SLC25A30: variants seen among roughly 807,000 people sequenced by gnomAD.
SLC25A30 encodes solute carrier family 25 member 30.
In SLC25A30, 29 loss-of-function variants were observed where a neutral mutation model predicts 42.7. That is an observed-to-expected ratio of 0.68 (90% CI 0.51 to 0.93). SLC25A30 has a LOEUF of 0.93. SLC25A30 is among the 40% of genes least tolerant of loss of function. The probability of loss-of-function intolerance (pLI) is 0.00; values close to 1 mark genes in which losing one functional copy is unlikely to be tolerated. For synonymous variants in SLC25A30, 124 were observed against 131.0 expected (o/e 0.95, Z 0.37); for missense variants, 300 against 359.7 (o/e 0.83, Z 1.34).
At chr13:45,427,059 GA>G in the SLC25A30 span, among the ~76,000 whole-genome samples, 2 of 151,854 alleles carry the variant, frequency 1.3e-5, no homozygotes, top group South Asian at 4.2e-4. Context: ...ATTGGATGAT[GA>G]AAAAAAATCA....
intron 9 of SLC25A30, chr13:45,396,506 G>T: frequency 3.6e-6 from 1 of 279,020 alleles, no homozygotes; most frequent in Non-Finnish European, 5.6e-6. Flanking sequence ...GGGCGCGGTG[G>T]CTCACGCCTG....
chr13:45,405,284 G>C (rs1031561586), intron 4 of SLC25A30, among the ~76,000 whole-genome samples: 10 of 152,158 alleles, frequency 6.6e-5, no homozygotes, highest in African/African-American at 2.4e-4. Flanking sequence ...ATATCTGTTA[G>C]GACAATAATT....
the SLC25A30 span, among the ~76,000 whole-genome samples, chr13:45,431,084 G>T: frequency 6.6e-5 from 10 of 151,998 alleles, no homozygotes; most frequent in African/African-American, 2.4e-4. Flanking sequence ...TTTCGCTCTT[G>T]TTGCCCAGGC....
the SLC25A30 span, among the ~76,000 whole-genome samples, chr13:45,425,885 G>A: frequency 1.4e-5 from 2 of 146,482 alleles, no homozygotes; most frequent in African/African-American, 5.0e-5. Flanking sequence ...TGGAGACAGG[G>A]TTTCATCATG....
the SLC25A30 span, among the ~76,000 whole-genome samples, chr13:45,423,633 T>C: frequency 2.9e-5 from 3 of 104,706 alleles, 1 homozygote; most frequent in Admixed American, 4.0e-4. Flanking sequence ...TATATATAAA[T>C]ATATATAAAA....
chr13:45,423,693 T>TAA, the SLC25A30 span, among the ~76,000 whole-genome samples: 274 of 15,918 alleles, frequency 0.017, 91 homozygotes, highest in African/African-American at 0.1. Flanking sequence ...TAAATATATA[T>TAA]AAATATATAA....
the SLC25A30 span, among the ~76,000 whole-genome samples, chr13:45,425,012 A>ATGTGT: frequency 2.1e-5 from 1 of 47,624 alleles, no homozygotes; most frequent in Non-Finnish European, 3.4e-5. Flanking sequence ...AAATATATAT[A>ATGTGT]AATATACATA....
chr13:45,432,225 A>G, the SLC25A30 span, among the ~76,000 whole-genome samples: 84 of 151,548 alleles, frequency 5.5e-4, 1 homozygote, highest in Non-Finnish European at 9.3e-4. Flanking sequence ...AGCCGAGATC[A>G]TATCACTGCA....
chr13:45,422,984 C>T (rs1264103018), upstream of SLC25A30, among the ~76,000 whole-genome samples: 1 of 152,114 alleles, frequency 6.6e-6, no homozygotes, highest in East Asian at 1.9e-4. Flanking sequence ...TGCATCCATG[C>T]TGCTATGAGA....
chr13:45,424,831 T>TATATAC, the SLC25A30 span, among the ~76,000 whole-genome samples: 2 of 53,676 alleles, frequency 3.7e-5, no homozygotes, highest in African/African-American at 1.6e-4. Context: ...TATAAAAATA[T>TATATAC]ATATATAAAA....
In SLC25A30 at chr13:45,397,259, A is replaced by G. The variant is rs944962989; in HGVS notation, c.833T>C (p.Ile278Thr). The G allele has an allele frequency of 6.3e-7, 1 of 1,599,610 alleles. No homozygotes were observed. The highest frequency in any genetic ancestry group is 1.3e-5 in the African/African-American group (1 of 74,568). Residue 278 changes from isoleucine to threonine, a missense_variant and splice_region_variant, in exon 9 of 10, where the codon ATT becomes ACT. Physicochemically the swap from Ile to Thr is moderately conservative, Grantham distance 89. Coordinates refer to ENST00000519676, the MANE Select transcript of SLC25A30 (RefSeq NM_001010875.4). ...NWLRLGPWNI[I>T]FFVTYEQLKK... ...ATCTATTGCAACAGAAAAGGATACAATGATATTCCAAGGACCAAGTCTCAA... is the reference window on the plus strand; with the variant it reads ...ATCTATTGCAACAGAAAAGGATACAGTGATATTCCAAGGACCAAGTCTCAA...
At chr13:45,396,323 TGAGAGAGA>T (rs138488525) in intron 9 of SLC25A30, 21 of 1,163,938 alleles carry the variant, frequency 1.8e-5, no homozygotes, top group South Asian at 2.3e-5. Context: ...TGTAAGCTTT[TGAGAGAGA>T]GAGAGAGAGA....
the SLC25A30 span, among the ~76,000 whole-genome samples, chr13:45,423,928 C>G: frequency 2.4e-5 from 1 of 40,838 alleles, no homozygotes; most frequent in Non-Finnish European, 4.8e-5. Context: ...TATATATAAA[C>G]ATATATAAAT....
upstream of SLC25A30, among the ~76,000 whole-genome samples, chr13:45,421,286 G>A (rs562722802): frequency 2.0e-5 from 3 of 150,568 alleles, no homozygotes; most frequent in South Asian, 6.3e-4. Flanking sequence ...GGCTAAGGCA[G>A]GAGAATTGCT....
the SLC25A30 span, among the ~76,000 whole-genome samples, chr13:45,423,767 A>AAATATATAAAAATATAT: frequency 8.2e-5 from 2 of 24,442 alleles, no homozygotes; most frequent in East Asian, 2.3e-3. Context: ...TAAATATATA[A>AAATATATAAAAATATAT]AAATATATAA....
At position 45,396,018 on chromosome 13, in the gene SLC25A30, G is replaced by A; in HGVS notation, c.835-3C>T. The stretch of plus-strand genomic sequence containing the variant: ...AACTGCTCGTATGTCACAAAGAACT[G>A]TGGTTATGGGTTAAGGATGACACAG... On this transcript the variant is annotated splice_polypyrimidine_tract_variant and splice_region_variant and intron_variant, in intron 9 of 9. Coordinates refer to ENST00000519676, the MANE Select transcript of SLC25A30 (RefSeq NM_001010875.4). 1 of 1,614,198 alleles carries A rather than the reference G, an allele frequency of 6.2e-7. No homozygotes were observed. The highest frequency in any genetic ancestry group is 1.1e-5 in the South Asian group (1 of 91,086).
chr13:45,417,617 C>T (rs1883646250), intron 1 of SLC25A30, among the ~76,000 whole-genome samples: 1 of 152,238 alleles, frequency 6.6e-6, no homozygotes, highest in Non-Finnish European at 1.5e-5. Flanking sequence ...CAAAGCTTCG[C>T]AACGGCAAAG....
upstream of SLC25A30, among the ~76,000 whole-genome samples, chr13:45,419,149 A>AAAG (rs1234239165): frequency 5.5e-4 from 79 of 143,190 alleles, 1 homozygote; most frequent in Middle Eastern, 3.5e-3. Context: ...AAAAAAAAAA[A>AAAG]AAGAAAGAAA....
At chr13:45,397,510 G>A in intron 8 of SLC25A30, 172 bp from the exon 9 acceptor site, 1 of 494,720 alleles carries the variant, frequency 2.0e-6, no homozygotes, top group Non-Finnish European at 3.6e-6. Flanking sequence ...GGCTAATGCA[G>A]TGAAACCCTG....
Sources: gnomAD v4.1 joint callset for allele counts (sites outside exome capture counted in the v4.1 genomes callset) on GRCh38, gnomAD v4.1.1 for gene constraint, MANE v1.5 for transcripts, NCBI Gene and HGNC (gene_info 2026-07-23, HGNC 2026-07-21) for gene names.